The following EYA1 variants were observed in gnomAD, a reference collection of about 807,000 sequenced individuals.
The protein encoded by EYA1 is EYA transcriptional coactivator and phosphatase 1.
A neutral mutation model predicts 82.0 loss-of-function variants in EYA1; 16 were observed. That is an observed-to-expected ratio of 0.20 (90% CI 0.13 to 0.30). EYA1 has a LOEUF of 0.30. Among genes scored for constraint, EYA1 ranks in the 10% least tolerant of loss-of-function variants. EYA1 has a pLI of 1.00. For synonymous variants in EYA1, 261 were observed against 264.4 expected, an observed-to-expected ratio of 0.99 and a Z score of 0.12; for missense variants, 633 against 730.7, an observed-to-expected ratio of 0.87 and a Z score of 1.54.
chr8:71,201,112 T>A (rs1453159653), intron 17 of EYA1, among the ~76,000 whole-genome samples: 5 of 149,784 alleles, frequency 3.3e-5, no homozygotes, highest in African/African-American at 1.2e-4. Flanking sequence ...GGAGTTTATT[T>A]GTAATAAACT....
intron 12 of EYA1, among the ~76,000 whole-genome samples, chr8:71,222,611 A>T (rs1172230568): frequency 6.6e-6 from 1 of 152,366 alleles, no homozygotes; most frequent in East Asian, 1.9e-4. Context: ...GTTCCTGCAG[A>T]GGCAGGTGCT....
intron 1 of EYA1, among the ~76,000 whole-genome samples, chr8:71,536,510 A>C (rs1395603949): frequency 1.3e-5 from 2 of 150,668 alleles, no homozygotes; most frequent in African/African-American, 4.9e-5. Context: ...AGCTATCTTC[A>C]AAAAAAAATA....
chr8:71,278,473 T>C (rs1817451459), intron 9 of EYA1, among the ~76,000 whole-genome samples: 1 of 152,246 alleles, frequency 6.6e-6, no homozygotes, highest in Non-Finnish European at 1.5e-5. Context: ...TTAAAGTCAT[T>C]GCTATTTATC....
At chr8:71,500,879 C>G (rs1474915981) in intron 2 of EYA1, among the ~76,000 whole-genome samples, 1 of 152,112 alleles carries the variant, frequency 6.6e-6, no homozygotes, top group African/African-American at 2.4e-5. Flanking sequence ...GCCAAATCTT[C>G]ATAATCTTTA....
intron 2 of EYA1, among the ~76,000 whole-genome samples, chr8:71,379,184 G>A (rs539068363): frequency 7.9e-5 from 12 of 152,198 alleles, no homozygotes; most frequent in Non-Finnish European, 1.3e-4. Flanking sequence ...CGAGGCTACC[G>A]TGCAGACCAA....
chr8:71,311,873 A>T (rs1821379650), intron 7 of EYA1, among the ~76,000 whole-genome samples: 1 of 152,332 alleles, frequency 6.6e-6, no homozygotes, highest in South Asian at 2.1e-4. Context: ...GCACGACGAA[A>T]ATCTGATCCT....
chr8:71,472,303 G>T (rs1489684631), intron 2 of EYA1, among the ~76,000 whole-genome samples: 1 of 152,056 alleles, frequency 6.6e-6, no homozygotes, highest in Non-Finnish European at 1.5e-5. Flanking sequence ...ATGACTAAAT[G>T]TGATGTTTCT....
chr8:71,429,104 T>A (rs952977067), intron 2 of EYA1, among the ~76,000 whole-genome samples: 1 of 152,198 alleles, frequency 6.6e-6, no homozygotes, highest in Non-Finnish European at 1.5e-5. Context: ...ATGCAATGCC[T>A]CATATTGCCA....
chr8:71,259,535 A>C (rs945903893), intron 11 of EYA1, among the ~76,000 whole-genome samples: 2 of 152,364 alleles, frequency 1.3e-5, no homozygotes. Flanking sequence ...TAAAATGATC[A>C]GAAAGAGGCA....
In EYA1 at chr8:71,368,218, A is replaced by ATACAACAGCCTG. The variant is rs1177968933; in HGVS notation, c.34-11708_34-11707insCAGGCTGTTGTA. ...AAAAACAACACCCTGGTTGATAGAG[A>ATACAACAGCCTG]GTTACAGGCTGGTGGCTTGTTTTTT... On this transcript the variant is annotated intron_variant, in intron 2 of 18. Transcript: ENST00000643681. 5.5e-5 allele frequency among the ~76,000 whole-genome samples: 8 copies of ATACAACAGCCTG among 145,074 alleles called. No homozygotes were observed. The South Asian group carries it at 6.6e-4, about 12-fold the overall frequency.
intron 12 of EYA1, among the ~76,000 whole-genome samples, chr8:71,232,593 C>T (rs1811327634): frequency 6.6e-6 from 1 of 152,154 alleles, no homozygotes; most frequent in South Asian, 2.1e-4. Context: ...GGGAGGAGCC[C>T]ATGAATAAGG....
chr8:71,513,704 C>T (rs1226301322), intron 2 of EYA1, among the ~76,000 whole-genome samples: 1 of 152,050 alleles, frequency 6.6e-6, no homozygotes, highest in Non-Finnish European at 1.5e-5. Flanking sequence ...CTTATTCATT[C>T]TTTCTAAATT....
At chr8:71,387,204 G>A (rs757915389) in intron 2 of EYA1, among the ~76,000 whole-genome samples, 2 of 152,002 alleles carry the variant, frequency 1.3e-5, no homozygotes, top group Non-Finnish European at 2.9e-5. Context: ...AGTGATGAAT[G>A]ACTACAGGTA....
At chr8:71,327,853 C>CTTTTTTTT (rs71555578) in intron 4 of EYA1, among the ~76,000 whole-genome samples, 1 of 110,204 alleles carries the variant, frequency 9.1e-6, no homozygotes, top group Non-Finnish European at 1.8e-5. Context: ...TCTTTAAGTT[C>CTTTTTTTT]TTTTTTTTTT....
chr8:71,452,672 C>T (rs190962662), intron 2 of EYA1, among the ~76,000 whole-genome samples: 614 of 152,280 alleles, frequency 4.0e-3, no homozygotes, highest in Non-Finnish European at 6.1e-3. Context: ...CTGGAGTGGA[C>T]CTCCAGCAAA....
At chr8:71,494,970 T>G (rs1455366232) in intron 2 of EYA1, among the ~76,000 whole-genome samples, 1 of 152,032 alleles carries the variant, frequency 6.6e-6, no homozygotes, top group Admixed American at 6.6e-5. Flanking sequence ...ATAGCAATAG[T>G]GGACTCCTAA....
At chr8:71,380,870 G>A (rs546568950) in intron 2 of EYA1, among the ~76,000 whole-genome samples, 1 of 152,312 alleles carries the variant, frequency 6.6e-6, no homozygotes, top group East Asian at 1.9e-4. Flanking sequence ...AAGTCCAGCT[G>A]ATGCCCCCTT....
At chr8:71,377,415 C>G (rs1384317531) in intron 2 of EYA1, among the ~76,000 whole-genome samples, 1 of 152,140 alleles carries the variant, frequency 6.6e-6, no homozygotes, top group Non-Finnish European at 1.5e-5. Flanking sequence ...GAATCATGAA[C>G]AAATAAAATG....
intron 7 of EYA1, among the ~76,000 whole-genome samples, chr8:71,312,449 TTTAG>T (rs1443398892): frequency 2.0e-5 from 3 of 152,230 alleles, no homozygotes; most frequent in Non-Finnish European, 2.9e-5. Flanking sequence ...TTATTTATTA[TTTAG>T]TTAGTTTTTT....
Sources: allele counts gnomAD v4.1 joint callset (sites outside exome capture counted in the v4.1 genomes callset), GRCh38; gene constraint gnomAD v4.1.1; transcripts MANE v1.5; gene names NCBI Gene and HGNC (gene_info 2026-07-23, HGNC 2026-07-21).